Variants in OXR1 observed in about 807,000 individuals in gnomAD.
OXR1 encodes the protein oxidation resistance protein 1.
OXR1 carries 41 observed loss-of-function variants against 104.6 expected under a neutral mutation model. That is an observed-to-expected ratio of 0.39 (90% CI 0.31 to 0.51). OXR1 has a LOEUF of 0.51. Among genes scored for constraint, OXR1 ranks in the 20% least tolerant of loss-of-function variants. The pLI, the probability that OXR1 is intolerant of heterozygous loss-of-function variation, is 0.77. For missense variants in OXR1, 955 were observed against 1,031.9 expected (o/e 0.93, Z 1.02); for synonymous variants, 348 against 348.4 (o/e 1.00, Z 0.01).
chr8:106,427,333 AT>A (rs1322999843), intron 2 of OXR1, among the ~76,000 whole-genome samples: 11 of 151,614 alleles, frequency 7.3e-5, no homozygotes, highest in African/African-American at 2.7e-4. Context: ...CGTCCGGCAA[AT>A]TTTTTTGTAT....
intron 2 of OXR1, among the ~76,000 whole-genome samples, chr8:106,393,590 C>G (rs1817664223): frequency 6.6e-6 from 1 of 151,984 alleles, no homozygotes; most frequent in South Asian, 2.1e-4. Flanking sequence ...TTAAAATAAT[C>G]TTATGAATTC....
intron 2 of OXR1, among the ~76,000 whole-genome samples, chr8:106,433,709 C>T (rs1192459377): frequency 6.6e-6 from 1 of 152,162 alleles, no homozygotes; most frequent in African/African-American, 2.4e-5. Context: ...TCAGATTGAG[C>T]TCTTTATCTG....
chr8:106,570,324 T>G (rs1817384896), intron 3 of OXR1, among the ~76,000 whole-genome samples: 1 of 152,232 alleles, frequency 6.6e-6, no homozygotes, highest in South Asian at 2.1e-4. Flanking sequence ...CTCCGCTTTG[T>G]ACTTGCCGTA....
intron 1 of OXR1, among the ~76,000 whole-genome samples, chr8:106,283,766 C>T (rs1372290319): frequency 6.6e-6 from 1 of 152,084 alleles, no homozygotes; most frequent in Non-Finnish European, 1.5e-5. Context: ...GAAGTTTTGG[C>T]TCTTTTAGGG....
chr8:106,571,629 A>G (rs1372603865), intron 3 of OXR1, among the ~76,000 whole-genome samples: 1 of 151,958 alleles, frequency 6.6e-6, no homozygotes, highest in Non-Finnish European at 1.5e-5. Flanking sequence ...CAAATTATTA[A>G]CTCATTCCAA....
At chr8:106,532,226 T>C (rs1227469286) in intron 3 of OXR1, among the ~76,000 whole-genome samples, 1 of 152,174 alleles carries the variant, frequency 6.6e-6, no homozygotes, top group African/African-American at 2.4e-5. Flanking sequence ...GAGATATTTC[T>C]AGCATCACAT....
intron 2 of OXR1, among the ~76,000 whole-genome samples, chr8:106,419,070 A>G (rs1462654794): frequency 6.6e-6 from 1 of 152,180 alleles, no homozygotes; most frequent in African/African-American, 2.4e-5. Context: ...CATTGATGGC[A>G]TCACTGACTC....
intron 1 of OXR1, among the ~76,000 whole-genome samples, chr8:106,300,315 T>A (rs977762679): frequency 1.3e-5 from 2 of 152,060 alleles, no homozygotes; most frequent in African/African-American, 4.8e-5. Context: ...GTATTAACTT[T>A]GATTAATTTG....
intron 6 of OXR1, among the ~76,000 whole-genome samples, chr8:106,691,948 C>A (rs1265453986): frequency 6.8e-6 from 1 of 147,276 alleles, no homozygotes; most frequent in African/African-American, 2.5e-5. Flanking sequence ...CAAAAAAAAA[C>A]CAAGAAGCGT....
intron 3 of OXR1, among the ~76,000 whole-genome samples, chr8:106,560,765 C>T (rs201348813): frequency 6.6e-6 from 1 of 151,962 alleles, no homozygotes; most frequent in African/African-American, 2.4e-5. Context: ...CCCAGCAAGA[C>T]CAATGCAGAA....
chr8:106,600,093 G>A (rs963436739), intron 3 of OXR1, among the ~76,000 whole-genome samples: 4 of 152,194 alleles, frequency 2.6e-5, no homozygotes, highest in African/African-American at 9.7e-5. Context: ...GTACCAGTCT[G>A]TGGCCCTAGG....
At chr8:106,442,864 C>T (rs1445501427) in intron 2 of OXR1, among the ~76,000 whole-genome samples, 3 of 152,092 alleles carry the variant, frequency 2.0e-5, no homozygotes, top group African/African-American at 4.8e-5. Context: ...AAAGAAACAC[C>T]TCCTGCATTA....
chr8:106,662,716 T>C (rs1825883605), intron 3 of OXR1, among the ~76,000 whole-genome samples: 1 of 152,134 alleles, frequency 6.6e-6, no homozygotes, highest in African/African-American at 2.4e-5. Context: ...ACTGTGTTGG[T>C]TATTGGGCAT....
chr8:106,278,184 A>G (rs547933104), intron 1 of OXR1, among the ~76,000 whole-genome samples: 35 of 152,318 alleles, frequency 2.3e-4, no homozygotes, highest in African/African-American at 7.7e-4. Context: ...TTCAATCTAC[A>G]TCATTAGACT....
At chr8:106,607,628 T>C (rs940536623) in intron 3 of OXR1, among the ~76,000 whole-genome samples, 4 of 152,302 alleles carry the variant, frequency 2.6e-5, no homozygotes, top group Middle Eastern at 3.4e-3. Flanking sequence ...CTGCCTTAAA[T>C]CAGCCCTTCT....
intron 2 of OXR1, among the ~76,000 whole-genome samples, chr8:106,377,950 T>C (rs1816976463): frequency 6.6e-6 from 1 of 152,196 alleles, no homozygotes; most frequent in Non-Finnish European, 1.5e-5. Context: ...TGCTATCTTC[T>C]TTTTCTATTT....
chr8:106,399,732 T>C (rs1273406330), intron 2 of OXR1, among the ~76,000 whole-genome samples: 1 of 152,166 alleles, frequency 6.6e-6, no homozygotes, highest in Non-Finnish European at 1.5e-5. Context: ...CTATCATCTG[T>C]GTTTTACAAA....
At chr8:106,283,445 G>A (rs1035945291) in intron 1 of OXR1, among the ~76,000 whole-genome samples, 1 of 152,302 alleles carries the variant, frequency 6.6e-6, no homozygotes, top group Non-Finnish European at 1.5e-5. Context: ...CAGGCCCATA[G>A]ATCAGGGATA....
At chr8:106,710,854 G>T in intron 10 of OXR1, 64 bp downstream of exon 10, 1 of 986,400 alleles carries the variant, frequency 1.0e-6, no homozygotes, top group Non-Finnish European at 1.4e-6. Flanking sequence ...ATTATTTTGT[G>T]TGTCAAAATA....
Sources: gnomAD v4.1 joint callset for allele counts (sites outside exome capture counted in the v4.1 genomes callset) on GRCh38, gnomAD v4.1.1 for gene constraint, MANE v1.5 for transcripts, NCBI Gene and HGNC (gene_info 2026-07-23, HGNC 2026-07-21) for gene names.